Variants in HMCN1 observed in about 807,000 individuals in gnomAD.
HMCN1 encodes hemicentin-1.
In HMCN1, 321 loss-of-function variants were observed where a neutral mutation model predicts 625.9. That is an observed-to-expected ratio of 0.51 (90% CI 0.47 to 0.56). The LOEUF (loss-of-function observed/expected upper bound fraction) is 0.56, where lower values mean the gene tolerates loss of function less well. HMCN1 is among the 20% of genes least tolerant of loss of function. The pLI, the probability that HMCN1 is intolerant of heterozygous loss-of-function variation, is 0.00. For missense variants in HMCN1, 6,588 were observed against 6,887.3 expected (o/e 0.96, Z 1.54); for synonymous variants, 2,425 against 2,417.6 (o/e 1.00, Z -0.09).
In HMCN1 at chr1:185,836,696, G is replaced by A. The variant is rs566034113; in HGVS notation, c.269-9330G>A. 2.3e-4 allele frequency among the ~76,000 whole-genome samples: 35 copies of A among 152,162 alleles called. No homozygotes were observed. In the South Asian group the frequency reaches 6.8e-3, roughly 30 times the overall value. On this transcript the variant is annotated intron_variant, in intron 1 of 106. Transcript: ENST00000271588. ...GTGCAGGTTTGTTTTTAGGTAAATG[G>A]CATGTAGTGGGTGTACAGATTATTT... is the stretch of plus-strand genomic sequence containing the variant.
chr1:185,866,261 G>T (rs1057178295), intron 4 of HMCN1, among the ~76,000 whole-genome samples: 1 of 151,636 alleles, frequency 6.6e-6, no homozygotes, highest in Non-Finnish European at 1.5e-5. Flanking sequence ...GATGAGGTTT[G>T]GTTTCTAAGA....
At chr1:185,913,115 C>T (rs1488714512) in intron 6 of HMCN1, among the ~76,000 whole-genome samples, 1 of 151,954 alleles carries the variant, frequency 6.6e-6, no homozygotes, top group Admixed American at 6.6e-5. Context: ...GTTTTTTATT[C>T]TCAGAACTCT....
rs1650672912 is a variant in HMCN1, at chr1:186,151,654, C to T, written c.14807C>T (p.Thr4936Ile). Residue 4936 changes from threonine (T) to isoleucine (I), a missense_variant, in exon 95 of 107, where the codon ACA (threonine) becomes ATA (isoleucine). Physicochemically the swap from Thr to Ile is moderately conservative, Grantham distance 89. Around this residue, in one of 3 missense-constraint regions of HMCN1, gnomAD observed 1,954 missense variants for 2,013.1 expected, o/e 0.97. Transcript: ENST00000271588. The part of the protein sequence containing the change: ...IVSILNPIYW[T>I]TAKEIGEAVN... The stretch of plus-strand genomic sequence containing the variant: ...TCTATTCTAAATCCCATTTATTGGA[C>T]AACAGCAAAGGAAATAGGAGAAGCA... 1 of 1,612,472 alleles carries T rather than the reference C, an allele frequency of 6.2e-7. No homozygotes were observed. The highest frequency in any genetic ancestry group is 1.3e-5 in the African/African-American group (1 of 74,848).
Position 186,178,467 on chromosome 1 carries a change from A to C in HMCN1, c.15995A>C (p.Asn5332Thr). The C allele has an allele frequency of 6.2e-7, 1 of 1,614,120 alleles. No individual in the cohort carries two copies. Among genetic ancestry groups the C allele is most frequent in the Non-Finnish European group, 8.5e-7 (1 of 1,179,986 alleles). Residue 5332 changes from asparagine (N) to threonine (T), a missense_variant, in exon 104 of 107, where the codon AAC becomes ACC. By Grantham distance (65) the Asn-to-Thr change is moderately conservative. Coordinates refer to ENST00000271588, the MANE Select transcript of HMCN1 (RefSeq NM_031935.3). ...AAACCTTGTGCACATCAGTGCTCCA[A>C]CACCCCCGGCAGCTTCAAGTGTATC... The part of the protein sequence containing the change: ...VPKPCAHQCS[N>T]TPGSFKCICP...
Position 186,002,837 on chromosome 1 carries a change from G to T in HMCN1, c.4349-881G>T, listed in dbSNP as rs1269853466. On this transcript the variant is annotated intron_variant, in intron 28 of 106. Coordinates refer to ENST00000271588, the MANE Select transcript of HMCN1 (RefSeq NM_031935.3). ...GACTGGTACCTCCATCCACTCACTT[G>T]GTTATTCCAGAACCTCCAGGTTCTC... Among the ~76,000 whole-genome samples, 4 of 152,144 alleles carry T rather than the reference G, an allele frequency of 2.6e-5. No homozygotes were observed. In the East Asian group the frequency reaches 7.7e-4, roughly 29 times the overall value.
intron 1 of HMCN1, among the ~76,000 whole-genome samples, chr1:185,808,847 T>C (rs1659335717): frequency 6.6e-6 from 1 of 152,180 alleles, no homozygotes; most frequent in Admixed American, 6.5e-5. Flanking sequence ...CATGGATCTT[T>C]GGGCAACTCT....
chr1:186,068,340 T>G (rs1346035507), intron 50 of HMCN1, among the ~76,000 whole-genome samples: 1 of 152,224 alleles, frequency 6.6e-6, no homozygotes, highest in Non-Finnish European at 1.5e-5. Context: ...GATTAAATAT[T>G]AACTCTCCTT....
chr1:186,062,508 T>G lies in HMCN1; in HGVS notation c.7427-6T>G, dbSNP rs769604179. The G allele has an allele frequency of 1.8e-5, 29 of 1,583,644 alleles. No individual in the cohort carries two copies. The highest frequency in any genetic ancestry group is 3.3e-5 in the South Asian group (3 of 90,488). ...CTGTTATTTTGTTGTTGTTGTTGTT[T>G]TTTAGTACCACCTCATATTGTGGGT... is the stretch of plus-strand genomic sequence containing the variant. On this transcript the variant is annotated splice_polypyrimidine_tract_variant and splice_region_variant and intron_variant, in intron 47 of 106. Coordinates refer to ENST00000271588, the MANE Select transcript of HMCN1 (RefSeq NM_031935.3).
At chr1:186,099,817 G>A (rs1176973627) in intron 68 of HMCN1, among the ~76,000 whole-genome samples, 1 of 152,120 alleles carries the variant, frequency 6.6e-6, no homozygotes, top group Non-Finnish European at 1.5e-5. Context: ...AAGAGGAAGA[G>A]TAGCAAGAGA....
rs372745133 is a variant in HMCN1 at position 186,061,848 on chromosome 1, C to T, written c.7313-3C>T. 2.5e-5 allele frequency: 40 copies of T among 1,596,096 alleles called. No individual in the cohort carries two copies. The highest frequency in any genetic ancestry group is 3.3e-5 in the Non-Finnish European group (39 of 1,164,398). On this transcript the variant is annotated splice_region_variant and splice_polypyrimidine_tract_variant and intron_variant, in intron 46 of 106. Coordinates refer to ENST00000271588, the MANE Select transcript of HMCN1 (RefSeq NM_031935.3). ...ATCTTAAAAAGATGGTTTGCTTCTGCAGGAGGCAGGATGCTACGGCTGATG... is the reference window on the plus strand; with the variant it reads ...ATCTTAAAAAGATGGTTTGCTTCTGTAGGAGGCAGGATGCTACGGCTGATG...
At position 186,166,909 on chromosome 1, in the gene HMCN1, T is replaced by C. The variant is rs370836523; in HGVS notation, c.15541T>C (p.Phe5181Leu). The C allele has an allele frequency of 2.4e-5, 38 of 1,614,014 alleles. No homozygotes were observed. The African/African-American group carries it at 4.8e-4, about 20-fold the overall frequency. Residue 5181 changes from phenylalanine (F) to leucine (L), a missense_variant, in exon 100 of 107, where the codon TTT (phenylalanine) becomes CTT (leucine). Phe to Leu is a conservative substitution (Grantham distance 22, BLOSUM62 0). Coordinates refer to ENST00000271588, the MANE Select transcript of HMCN1 (RefSeq NM_031935.3). Reference protein sequence around the residue: ...YRCVVRCGSGFRRTSDGLSCQ... With the variant: ...YRCVVRCGSGLRRTSDGLSCQ... The stretch of plus-strand genomic sequence containing the variant: ...CTGTGTGGTCCGTTGTGGAAGTGGC[T>C]TTCGAAGAACCTCTGATGGGCTGAG...
chr1:185,847,766 G>A (rs557160789), intron 2 of HMCN1, among the ~76,000 whole-genome samples: 57 of 152,004 alleles, frequency 3.7e-4, no homozygotes, highest in African/African-American at 1.2e-3. Flanking sequence ...CAGCCTGGGC[G>A]CATAGTGAGA....
intron 40 of HMCN1, among the ~76,000 whole-genome samples, chr1:186,044,802 A>C (rs1423053376): frequency 6.6e-6 from 1 of 152,122 alleles, no homozygotes; most frequent in African/African-American, 2.4e-5. Context: ...ATTATTATAC[A>C]TACAGGCCTG....
chr1:185,980,640 G>C (rs1651561133), intron 16 of HMCN1, among the ~76,000 whole-genome samples: 1 of 152,090 alleles, frequency 6.6e-6, no homozygotes, highest in Admixed American at 6.6e-5. Context: ...TCCATTCTTT[G>C]TACAGGCCAT....
intron 68 of HMCN1, among the ~76,000 whole-genome samples, chr1:186,097,313 C>A (rs2102427991): frequency 6.6e-6 from 1 of 152,218 alleles, no homozygotes; most frequent in East Asian, 1.9e-4. Flanking sequence ...GGTTCCACAT[C>A]TGTGGATTCA....
At position 185,995,099 on chromosome 1, in the gene HMCN1, C is replaced by G; in HGVS notation, c.3778+12C>G. ...GCTACATGTCCAAGGTGATTCTTGA[C>G]ACAGGAAAATATATGTATGTAGGGT... On this transcript the variant is annotated intron_variant, in intron 24 of 106. Transcript: ENST00000271588. The G allele has an allele frequency of 6.2e-7, 1 of 1,612,504 alleles. No individual in the cohort carries two copies. The highest frequency in any genetic ancestry group is 8.5e-7 in the Non-Finnish European group (1 of 1,178,726).
intron 1 of HMCN1, among the ~76,000 whole-genome samples, chr1:185,779,522 T>G (rs1261354993): frequency 2.6e-5 from 4 of 152,240 alleles, no homozygotes; most frequent in Non-Finnish European, 5.9e-5. Context: ...TTAATTTTTG[T>G]ATAAGGTGTA....
chr1:185,858,960 G>A (rs868594615), intron 2 of HMCN1, among the ~76,000 whole-genome samples: 1 of 151,580 alleles, frequency 6.6e-6, no homozygotes, highest in Non-Finnish European at 1.5e-5. Flanking sequence ...TAAACTGAAA[G>A]ATCAGAAAGT....
Position 185,787,183 on chromosome 1 carries a change from GC to G in HMCN1, c.268+52137del. Among the ~76,000 whole-genome samples, 3 of 149,984 alleles carry G rather than the reference GC, an allele frequency of 2.0e-5. No individual in the cohort carries two copies. In the East Asian group the frequency reaches 5.9e-4, roughly 29 times the overall value. On this transcript the variant is annotated intron_variant, in intron 1 of 106. Transcript: ENST00000271588. ...TGTGTGTGTGTGTGTGTGTGTGCAT[GC>G]ACGTGTGTTTTAATGAACAATTGGC...
Sources: gnomAD v4.1 joint callset for allele counts (sites outside exome capture counted in the v4.1 genomes callset) on GRCh38, gnomAD v4.1.1 for gene constraint, gnomAD v4.1.1 regional missense constraint, MANE v1.5 for transcripts, NCBI Gene and HGNC (gene_info 2026-07-23, HGNC 2026-07-21) for gene names.